The following STK24 variants were observed in gnomAD, a reference collection of about 807,000 sequenced individuals.
STK24 encodes the protein serine/threonine-protein kinase 24.
In STK24, 21 loss-of-function variants were observed where a neutral mutation model predicts 55.6. That is an observed-to-expected ratio of 0.38 (90% confidence interval 0.27 to 0.54). STK24 has a LOEUF of 0.54. Ranked by LOEUF, STK24 falls within the 20% of genes least tolerant of loss-of-function variation. The pLI, the probability that STK24 is intolerant of heterozygous loss-of-function variation, is 0.79. For missense variants in STK24, 383 were observed against 538.4 expected, an observed-to-expected ratio of 0.71 and a Z score of 2.86; for synonymous variants, 200 against 215.2, an observed-to-expected ratio of 0.93 and a Z score of 0.62.
chr13:98,460,010 A>G (rs1047626328), intron 9 of STK24, among the ~76,000 whole-genome samples: 2 of 152,222 alleles, frequency 1.3e-5, no homozygotes, highest in African/African-American at 2.4e-5. Flanking sequence ...AGGGCATCCA[A>G]CGTCTCCTTA....
At chr13:98,466,241 C>T (rs1893920434) in intron 6 of STK24, 135 bp downstream of exon 6, 1 of 812,896 alleles carries the variant, frequency 1.2e-6, no homozygotes, top group South Asian at 3.5e-5. Context: ...GTCAATCATA[C>T]TTACTTAGAA....
chr13:98,563,058 G>T (rs185803841), intron 1 of STK24, among the ~76,000 whole-genome samples: 2 of 152,070 alleles, frequency 1.3e-5, no homozygotes, highest in Non-Finnish European at 2.9e-5. Context: ...CCCAAGAAAC[G>T]ATTTGCTCCA....
intron 1 of STK24, among the ~76,000 whole-genome samples, chr13:98,556,993 G>T (rs1175052318): frequency 6.6e-6 from 1 of 152,196 alleles, no homozygotes; most frequent in Non-Finnish European, 1.5e-5. Context: ...TCCCACTGGT[G>T]ATCAGCCACC....
At chr13:98,563,527 A>G (rs1566407095) in intron 1 of STK24, among the ~76,000 whole-genome samples, 1 of 152,142 alleles carries the variant, frequency 6.6e-6, no homozygotes, top group Non-Finnish European at 1.5e-5. Context: ...AGTCTGTATA[A>G]TGTGCTGTTT....
intron 1 of STK24, among the ~76,000 whole-genome samples, chr13:98,520,293 A>G (rs1198731239): frequency 6.6e-6 from 1 of 152,212 alleles, no homozygotes; most frequent in Non-Finnish European, 1.5e-5. Flanking sequence ...GGGACGCTGC[A>G]TATCTCCCCA....
intron 1 of STK24, among the ~76,000 whole-genome samples, chr13:98,569,309 T>A (rs1388972571): frequency 6.6e-6 from 1 of 151,100 alleles, no homozygotes; most frequent in Non-Finnish European, 1.5e-5. Context: ...AGAAAAAAAA[T>A]TTTTGAAAAG....
intron 2 of STK24, among the ~76,000 whole-genome samples, chr13:98,512,443 T>C (rs1304816295): frequency 1.3e-5 from 2 of 152,142 alleles, no homozygotes; most frequent in African/African-American, 2.4e-5. Flanking sequence ...CAGGTCATTT[T>C]ATTGGCTAGA....
intron 10 of STK24, 142 bp downstream of exon 10, chr13:98,457,024 CCT>C: frequency 1.0e-6 from 1 of 967,016 alleles, no homozygotes; most frequent in Middle Eastern, 3.3e-4. Context: ...AACAAAGTCT[CCT>C]CTAATTCAAC....
chr13:98,563,483 T>C (rs1897484667), intron 1 of STK24, among the ~76,000 whole-genome samples: 2 of 152,190 alleles, frequency 1.3e-5, no homozygotes, highest in Admixed American at 6.5e-5. Context: ...CGCAAATCTC[T>C]GTAACTCCTC....
At chr13:98,521,654 C>A (rs1896264009) in intron 1 of STK24, 6 of 655,792 alleles carry the variant, frequency 9.1e-6, no homozygotes, top group South Asian at 8.7e-5. Flanking sequence ...CTAACACAAG[C>A]TGCTAGGATG....
intron 1 of STK24, among the ~76,000 whole-genome samples, chr13:98,566,996 G>T (rs989501381): frequency 1.3e-5 from 2 of 152,190 alleles, no homozygotes; most frequent in African/African-American, 4.8e-5. Context: ...GCGGGCTAAG[G>T]CTCAGTCCCA....
At chr13:98,478,667 C>T (rs1390914146) in intron 3 of STK24, among the ~76,000 whole-genome samples, 1 of 152,154 alleles carries the variant, frequency 6.6e-6, no homozygotes, top group African/African-American at 2.4e-5. Flanking sequence ...AATGAATATG[C>T]CATCTCATTT....
At chr13:98,508,444 A>C (rs1414943171) in intron 2 of STK24, among the ~76,000 whole-genome samples, 3 of 152,230 alleles carry the variant, frequency 2.0e-5, no homozygotes, top group Non-Finnish European at 4.4e-5. Context: ...ATTTGCCTAC[A>C]AGTAAACCAC....
intron 2 of STK24, among the ~76,000 whole-genome samples, chr13:98,487,494 ACCCAGCAAACCAACCGTCCCTGC>A (rs1285944702): frequency 6.6e-6 from 1 of 152,064 alleles, no homozygotes; most frequent in Non-Finnish European, 1.5e-5. Flanking sequence ...GGCCCCCATT[ACCCAGCAAACCAACCGTCCCTGC>A]CCCAGCAAGT....
chr13:98,462,536 C>A (rs537692043), intron 7 of STK24, among the ~76,000 whole-genome samples: 45 of 152,260 alleles, frequency 3.0e-4, no homozygotes, highest in African/African-American at 1.0e-3. Context: ...CTCCTCCCGC[C>A]CCTCGGCCAT....
intron 1 of STK24, among the ~76,000 whole-genome samples, chr13:98,563,417 G>A (rs1286199707): frequency 6.6e-6 from 1 of 152,168 alleles, no homozygotes; most frequent in African/African-American, 2.4e-5. Flanking sequence ...CATTCTGAAT[G>A]ACACAAGTTG....
At chr13:98,566,427 T>C (rs1274115209) in intron 1 of STK24, among the ~76,000 whole-genome samples, 1 of 152,158 alleles carries the variant, frequency 6.6e-6, no homozygotes, top group Non-Finnish European at 1.5e-5. Context: ...AGAACACACA[T>C]GCTGGCCTCC....
intron 1 of STK24, chr13:98,576,052 A>T: frequency 1.0e-6 from 1 of 985,130 alleles, no homozygotes; most frequent in Non-Finnish European, 1.2e-6. Context: ...TCTCAAAGTG[A>T]AAGTCCAGGG....
intron 1 of STK24, among the ~76,000 whole-genome samples, chr13:98,575,397 G>C (rs959360477): frequency 7.2e-5 from 9 of 124,154 alleles, no homozygotes; most frequent in Non-Finnish European, 1.6e-4. Context: ...TATATATACT[G>C]CTTATATATA....
Sources: allele counts gnomAD v4.1 joint callset (sites outside exome capture counted in the v4.1 genomes callset), GRCh38; gene constraint gnomAD v4.1.1; transcripts MANE v1.5; gene names NCBI Gene and HGNC (gene_info 2026-07-23, HGNC 2026-07-21).